Variants in ACSS3 observed in about 807,000 individuals in gnomAD.
ACSS3 encodes the protein acyl-CoA synthetase short chain family member 3.
ACSS3 carries 64 observed loss-of-function variants against 84.2 expected under a neutral mutation model. That is an observed-to-expected ratio of 0.76 (90% CI 0.62 to 0.94). ACSS3 has a LOEUF of 0.94. Ranked by LOEUF, ACSS3 falls within the 40% of genes least tolerant of loss-of-function variation. ACSS3 has a pLI of 0.00. For missense variants in ACSS3, 815 were observed against 867.6 expected (o/e 0.94, Z 0.76); for synonymous variants, 317 against 310.1 (o/e 1.02, Z -0.23).
Position 81,217,855 on chromosome 12 carries a change from A to G in ACSS3, c.1450+859A>G, listed in dbSNP as rs184898434. Among the ~76,000 whole-genome samples the G allele has an allele frequency of 6.4e-3, 971 of 152,198 alleles. 10 individuals carry two copies. The highest frequency in any genetic ancestry group is 0.026 in the Admixed American group (393 of 15,292). On this transcript the variant is annotated intron_variant, in intron 10 of 15. Coordinates refer to ENST00000548058, the MANE Select transcript of ACSS3 (RefSeq NM_024560.4). ...TCTGTCTCAAAAAATAAATAAATAA[A>G]TATAAAAATAAAAATAAAAACAAAG...
At chr12:81,202,136 G>A (rs1339780058) in intron 9 of ACSS3, among the ~76,000 whole-genome samples, 1 of 151,896 alleles carries the variant, frequency 6.6e-6, no homozygotes, top group Non-Finnish European at 1.5e-5. Flanking sequence ...CAAATTAGCC[G>A]GGTGTGGTAG....
chr12:81,177,858 T>A (rs1345039277), intron 8 of ACSS3, among the ~76,000 whole-genome samples: 1 of 152,172 alleles, frequency 6.6e-6, no homozygotes, highest in Non-Finnish European at 1.5e-5. Context: ...ACTTTTACAC[T>A]GTTGGTGGGA....
At chr12:81,195,882 T>C (rs1290062219) in intron 8 of ACSS3, among the ~76,000 whole-genome samples, 1 of 152,104 alleles carries the variant, frequency 6.6e-6, no homozygotes, top group Non-Finnish European at 1.5e-5. Context: ...CCTAGATAAT[T>C]TTGAATATGC....
chr12:81,143,192 T>C lies in ACSS3; in HGVS notation c.866T>C (p.Leu289Pro), dbSNP rs753180977. 8 of 1,613,538 alleles carry C rather than the reference T, an allele frequency of 5.0e-6. No homozygotes were observed. Among genetic ancestry groups the C allele is most frequent in the Non-Finnish European group, 6.8e-6 (8 of 1,179,558 alleles). ...CAGTCACATGACTGTGTTCCTGTTC[T>C]TTCAGAACACCCACTGTATATTCTT... ...KAQSHDCVPV[L>P]SEHPLYILYT... Residue 289 changes from leucine (L) to proline (P), a missense_variant, in exon 5 of 16, where the codon CTT (leucine) becomes CCT (proline). Transcript: ENST00000548058.
chr12:81,183,167 C>G (rs2031047136), intron 8 of ACSS3, among the ~76,000 whole-genome samples: 1 of 152,180 alleles, frequency 6.6e-6, no homozygotes, highest in African/African-American at 2.4e-5. Flanking sequence ...CCCGTGTTAG[C>G]ACAGACAATT....
chr12:81,148,976 A>G (rs919807595), intron 5 of ACSS3, among the ~76,000 whole-genome samples: 3 of 150,716 alleles, frequency 2.0e-5, no homozygotes, highest in Non-Finnish European at 4.4e-5. Flanking sequence ...GCTACTCGAG[A>G]GGCTGAGGCA....
At position 81,096,641 on chromosome 12, in the gene ACSS3, G is replaced by A. The variant is rs368812815; in HGVS notation, c.312-12919G>A. Among the ~76,000 whole-genome samples, 14 of 151,406 alleles carry A rather than the reference G, an allele frequency of 9.2e-5. No individual in the cohort carries two copies. In the East Asian group the frequency reaches 2.7e-3, roughly 30 times the overall value. ...CCCCTTGCCCCCCACCCCCTGACAG[G>A]CCCCAGTGCGTGATGTTCCCCTCCC... is the stretch of plus-strand genomic sequence containing the variant. On this transcript the variant is annotated intron_variant, in intron 1 of 15. Coordinates refer to ENST00000548058, the MANE Select transcript of ACSS3 (RefSeq NM_024560.4).
intron 1 of ACSS3, among the ~76,000 whole-genome samples, chr12:81,093,215 C>T (rs1251693306): frequency 6.6e-6 from 1 of 151,978 alleles, no homozygotes; most frequent in Non-Finnish European, 1.5e-5. Flanking sequence ...TTTGTGAGGC[C>T]AAGGTAAGCG....
intron 1 of ACSS3, among the ~76,000 whole-genome samples, chr12:81,084,618 A>G (rs1222545556): frequency 6.6e-6 from 1 of 152,084 alleles, no homozygotes; most frequent in Non-Finnish European, 1.5e-5. Flanking sequence ...GAGAGAAAGA[A>G]AGGGAAGAGA....
chr12:81,167,260 G>T (rs939025186), intron 7 of ACSS3, among the ~76,000 whole-genome samples: 1 of 152,100 alleles, frequency 6.6e-6, no homozygotes, highest in South Asian at 2.1e-4. Flanking sequence ...TTCATTGGGG[G>T]TTGGCTTCAT....
chr12:81,150,497 C>T (rs976826070), intron 5 of ACSS3, among the ~76,000 whole-genome samples: 2 of 152,150 alleles, frequency 1.3e-5, no homozygotes, highest in African/African-American at 4.8e-5. Flanking sequence ...ATAACTGTTT[C>T]GTTTACATGG....
intron 8 of ACSS3, among the ~76,000 whole-genome samples, chr12:81,188,417 T>C (rs1275687938): frequency 6.6e-6 from 1 of 152,062 alleles, no homozygotes; most frequent in Non-Finnish European, 1.5e-5. Context: ...TTAAAAGTTA[T>C]AATTATTACA....
At chr12:81,079,033 G>A (rs573428669) in intron 1 of ACSS3, among the ~76,000 whole-genome samples, 61 of 152,196 alleles carry the variant, frequency 4.0e-4, no homozygotes, top group Non-Finnish European at 6.9e-4. Context: ...GGCTGGGTCC[G>A]GAAGGGATTT....
At chr12:81,147,696 C>G (rs1886407010) in intron 5 of ACSS3, among the ~76,000 whole-genome samples, 1 of 152,116 alleles carries the variant, frequency 6.6e-6, no homozygotes, top group South Asian at 2.1e-4. Context: ...TGCCATCTGT[C>G]AAACCACTGT....
chr12:81,129,300 TAAGAGGTAAAA>T (rs1885328367), intron 2 of ACSS3, among the ~76,000 whole-genome samples: 1 of 151,030 alleles, frequency 6.6e-6, no homozygotes, highest in East Asian at 2.0e-4. Flanking sequence ...ATAAAATAAA[TAAGAGGTAAAA>T]AATATATTTT....
intron 1 of ACSS3, among the ~76,000 whole-genome samples, chr12:81,081,873 C>T (rs1454657262): frequency 6.6e-6 from 1 of 152,172 alleles, no homozygotes; most frequent in East Asian, 1.9e-4. Context: ...GGTTTCTCAA[C>T]ATGCAGGATC....
chr12:81,098,551 G>A (rs1008642229), intron 1 of ACSS3, among the ~76,000 whole-genome samples: 6 of 152,086 alleles, frequency 3.9e-5, no homozygotes, highest in African/African-American at 1.4e-4. Context: ...AAGACCTACT[G>A]TATTTACCTC....
At chr12:81,226,873 C>A (rs762181286) in intron 11 of ACSS3, among the ~76,000 whole-genome samples, 2 of 151,704 alleles carry the variant, frequency 1.3e-5, no homozygotes, top group African/African-American at 2.4e-5. Context: ...CCAATTACAT[C>A]TTTTGTTTTT....
chr12:81,188,676 A>G (rs1232988533), intron 8 of ACSS3, among the ~76,000 whole-genome samples: 4 of 152,094 alleles, frequency 2.6e-5, no homozygotes, highest in East Asian at 1.9e-4. Context: ...AGCTTCATCC[A>G]TAAGTTTGCG....
Sources: allele counts gnomAD v4.1 joint callset (sites outside exome capture counted in the v4.1 genomes callset), GRCh38; gene constraint gnomAD v4.1.1; transcripts MANE v1.5; gene names NCBI Gene and HGNC (gene_info 2026-07-23, HGNC 2026-07-21).